R3HDM2: variants seen among roughly 807,000 people sequenced by gnomAD.
R3HDM2 encodes R3H domain-containing protein 2.
In R3HDM2, 38 loss-of-function variants were observed where a neutral mutation model predicts 124.5. That is an observed-to-expected ratio of 0.31 (90% CI 0.24 to 0.40). The LOEUF (loss-of-function observed/expected upper bound fraction) is 0.40. R3HDM2 is among the 10% of genes least tolerant of loss of function. The pLI is 1.00. For missense variants in R3HDM2, 869 were observed against 1,236.9 expected (o/e 0.70, Z 4.46); for synonymous variants, 391 against 448.0 (o/e 0.87, Z 1.61).
chr12:57,336,819 G>T (rs1433887230), intron 2 of R3HDM2, among the ~76,000 whole-genome samples: 3 of 104,976 alleles, frequency 2.9e-5, no homozygotes, highest in East Asian at 5.4e-4. Context: ...TAAAATAAAA[G>T]TTTAAAAAAA....
intron 2 of R3HDM2, among the ~76,000 whole-genome samples, chr12:57,367,086 G>A (rs1219379992): frequency 2.0e-5 from 3 of 152,098 alleles, no homozygotes; most frequent in Non-Finnish European, 4.4e-5. Flanking sequence ...CTTTACACTG[G>A]AGCTAATTTG....
intron 2 of R3HDM2, among the ~76,000 whole-genome samples, chr12:57,350,751 T>G (rs1406370161): frequency 6.6e-6 from 1 of 152,048 alleles, no homozygotes; most frequent in Non-Finnish European, 1.5e-5. Flanking sequence ...GCTCAGGAGT[T>G]CAAGACCAGC....
intron 2 of R3HDM2, among the ~76,000 whole-genome samples, chr12:57,363,604 A>C (rs6581140): frequency 0.37 from 55,972 of 152,082 alleles, 11,721 homozygotes; most frequent in Middle Eastern, 0.75. Flanking sequence ...CAAAATAATA[A>C]AATTTGAGAT....
chr12:57,304,683 A>G (rs2052155291), intron 3 of R3HDM2: 1 of 192,850 alleles, frequency 5.2e-6, no homozygotes, highest in African/African-American at 2.4e-5. Flanking sequence ...TACTTTTTCA[A>G]ACAGGCAATA....
chr12:57,273,288 C>T (rs1236338606), intron 14 of R3HDM2, among the ~76,000 whole-genome samples: 1 of 151,576 alleles, frequency 6.6e-6, no homozygotes, highest in Admixed American at 6.6e-5. Flanking sequence ...TTTGTCCCTT[C>T]AGTCCCCCTT....
chr12:57,294,971 T>A (rs1268559887), intron 10 of R3HDM2, among the ~76,000 whole-genome samples: 1 of 152,224 alleles, frequency 6.6e-6, no homozygotes, highest in African/African-American at 2.4e-5. Flanking sequence ...AGTTCAAGGC[T>A]AGCCCTAAGC....
At chr12:57,308,208 C>T (rs1357844649) in intron 3 of R3HDM2, among the ~76,000 whole-genome samples, 4 of 151,524 alleles carry the variant, frequency 2.6e-5, no homozygotes, top group Admixed American at 6.6e-5. Context: ...GCACATGCCA[C>T]CATGCCCAGC....
At chr12:57,418,391 C>T (rs1045808590) in intron 1 of R3HDM2, 27 of 965,410 alleles carry the variant, frequency 2.8e-5, no homozygotes, top group Non-Finnish European at 3.3e-5. Flanking sequence ...ATATTCCCAA[C>T]GGTGGTTGCG....
chr12:57,271,629 A>T (rs1401141149), intron 14 of R3HDM2, among the ~76,000 whole-genome samples: 2 of 152,214 alleles, frequency 1.3e-5, no homozygotes, highest in Non-Finnish European at 2.9e-5. Context: ...GACAATCAAC[A>T]TGGAAATAAG....
chr12:57,380,330 GAAGT>G (rs1566416735), intron 2 of R3HDM2, among the ~76,000 whole-genome samples: 1 of 152,082 alleles, frequency 6.6e-6, no homozygotes, highest in African/African-American at 2.4e-5. Context: ...AAATATTATA[GAAGT>G]AAGTGATTCA....
chr12:57,281,118 C>T (rs1017155009), intron 13 of R3HDM2, among the ~76,000 whole-genome samples: 3 of 151,896 alleles, frequency 2.0e-5, no homozygotes, highest in Non-Finnish European at 4.4e-5. Context: ...GAAACTCCGT[C>T]TCTACTGAAA....
intron 1 of R3HDM2, among the ~76,000 whole-genome samples, chr12:57,406,092 C>A (rs2068498862): frequency 6.6e-6 from 1 of 152,110 alleles, no homozygotes; most frequent in Admixed American, 6.6e-5. Flanking sequence ...GAGGCCAACA[C>A]AGGCAGATCA....
At chr12:57,329,291 C>T (rs1427672809) in intron 2 of R3HDM2, among the ~76,000 whole-genome samples, 6 of 152,122 alleles carry the variant, frequency 3.9e-5, no homozygotes, top group Non-Finnish European at 8.8e-5. Flanking sequence ...TTAATCTCTA[C>T]AATGTAGGAG....
chr12:57,323,067 CA>C (rs112236890), intron 2 of R3HDM2, among the ~76,000 whole-genome samples: 13 of 151,166 alleles, frequency 8.6e-5, no homozygotes, highest in South Asian at 6.3e-4. Flanking sequence ...AAAAAGATAC[CA>C]AAAAAAATAA....
chr12:57,337,685 T>G (rs1051737930), intron 2 of R3HDM2, among the ~76,000 whole-genome samples: 1 of 152,092 alleles, frequency 6.6e-6, no homozygotes, highest in African/African-American at 2.4e-5. Flanking sequence ...GTAAAGATCT[T>G]GGGTTAGCAG....
At chr12:57,278,992 G>A (rs1360966474) in intron 14 of R3HDM2, among the ~76,000 whole-genome samples, 1 of 152,076 alleles carries the variant, frequency 6.6e-6, no homozygotes, top group Non-Finnish European at 1.5e-5. Flanking sequence ...GCAGAGGGAT[G>A]AGGGAGCCTG....
chr12:57,254,797 G>A lies in R3HDM2; in HGVS notation c.2949C>T (p.Ile983=). The change falls in exon 24 of 24, where the codon ATC becomes ATT. Residue 983 remains isoleucine, a synonymous_variant. Coordinates refer to ENST00000402412, the MANE Select transcript of R3HDM2 (RefSeq NM_001394031.1). ...RMAKKNYDLR[I]LERASSQ ...TTTATTGGGAGCTGGCTCGCTCCAGGATCCTCAGGTCATAGTTCTTTTTGG... is the reference window on the plus strand; with the variant it reads ...TTTATTGGGAGCTGGCTCGCTCCAGAATCCTCAGGTCATAGTTCTTTTTGG... 6.3e-7 allele frequency: 1 copy of A among 1,586,214 alleles called. No individual in the cohort carries two copies. Among genetic ancestry groups the A allele is most frequent in the Non-Finnish European group, 8.6e-7 (1 of 1,160,950 alleles).
intron 1 of R3HDM2, among the ~76,000 whole-genome samples, chr12:57,427,947 G>A (rs1868332722): frequency 6.6e-6 from 1 of 151,746 alleles, no homozygotes; most frequent in Admixed American, 6.6e-5. Context: ...GTGAAACCCT[G>A]TGTGTACTAA....
At chr12:57,303,968 T>G (rs1180739777) in intron 3 of R3HDM2, among the ~76,000 whole-genome samples, 2 of 152,090 alleles carry the variant, frequency 1.3e-5, no homozygotes, top group African/African-American at 2.4e-5. Flanking sequence ...CCCAATCCTG[T>G]TCACAGAAGC....
Sources: allele counts gnomAD v4.1 joint callset (sites outside exome capture counted in the v4.1 genomes callset), GRCh38; gene constraint gnomAD v4.1.1; transcripts MANE v1.5; gene names NCBI Gene and HGNC (gene_info 2026-07-23, HGNC 2026-07-21).